MPP1: variants seen among roughly 807,000 people sequenced by gnomAD.
The protein encoded by MPP1 is MAGUK p55 scaffold protein 1, also known as 55 kDa erythrocyte membrane protein.
Under a neutral mutation model 38.2 loss-of-function variants are expected in MPP1, and 6 were observed. The observed-to-expected ratio is 0.16, with a 90% CI of 0.09 to 0.31. The LOEUF (loss-of-function observed/expected upper bound fraction) is 0.31. Ranked by LOEUF, MPP1 falls within the 10% of genes least tolerant of loss-of-function variation. The pLI is 1.00. For missense variants in MPP1, 293 were observed against 368.9 expected, an observed-to-expected ratio of 0.79 and a Z score of 1.69; for synonymous variants, 153 against 146.3, an observed-to-expected ratio of 1.05 and a Z score of -0.33.
intron 1 of MPP1, among the ~76,000 whole-genome samples, chrX:154,799,172 G>A (rs782525703): frequency 8.9e-6 from 1 of 112,344 alleles, no homozygotes; most frequent in African/African-American, 3.2e-5. Context: ...CCCAAAGGTT[G>A]GTCTTTCAGA....
At position 154,790,884 on chromosome X, in the gene MPP1, T is replaced by C. The variant is rs2072134959; in HGVS notation, c.411+99A>G. The C allele has an allele frequency of 4.2e-6, 3 of 718,899 alleles. No individual in the cohort carries two copies. The South Asian group carries it at 8.1e-5, about 20-fold the overall frequency. 59.2% of individuals were successfully genotyped at this position (718,899 alleles called of 1,213,427 possible). A position where few individuals can be genotyped will look rare whatever the true frequency, so the allele number is the denominator to read the frequency against. The stretch of plus-strand genomic sequence containing the variant: ...AGTGAAAAGAGCCCCCTCAAGAAGG[T>C]ACAAATACTTTGACAGAGAGATGAG... On this transcript the variant is annotated intron_variant, in intron 4 of 11. Transcript: ENST00000369534.
Position 154,783,418 on chromosome X carries a change from G to A in MPP1, c.946+9C>T, listed in dbSNP as rs782603105. ...CACCTCCCCTCCAAGGTGCCTAAGA[G>A]CTACTTACATGGGACAGGGTACACA... On this transcript the variant is annotated intron_variant, in intron 9 of 11. Coordinates refer to ENST00000369534, the MANE Select transcript of MPP1 (RefSeq NM_002436.4). 8.3e-7 allele frequency: 1 copy of A among 1,203,261 alleles called. No individual in the cohort carries two copies. Among genetic ancestry groups the A allele is most frequent in the Non-Finnish European group, 1.1e-6 (1 of 889,449 alleles).
At position 154,786,263 on chromosome X, in the gene MPP1, C is replaced by G; in HGVS notation, c.618G>C (p.Arg206=). ...NKDDSNWWQG[R]VEGSSKESAG... ...CTGACTCCTTGGAGGAGCCTTCCAC[C>G]CGTCCCTGCCACCAATTGCTGTCAT... The change falls in exon 6 of 12, where the codon CGG becomes CGC. Residue 206 remains arginine (R), a synonymous_variant. Coordinates refer to ENST00000369534, the MANE Select transcript of MPP1 (RefSeq NM_002436.4). 2 of 1,211,711 alleles carry G rather than the reference C, an allele frequency of 1.7e-6. No homozygotes were observed. Among genetic ancestry groups the G allele is most frequent in the African/African-American group, 3.5e-5 (2 of 57,772 alleles).
intron 1 of MPP1, among the ~76,000 whole-genome samples, chrX:154,794,823 A>G (rs2072177848): frequency 8.9e-6 from 1 of 112,734 alleles, no homozygotes; most frequent in East Asian, 2.8e-4. Flanking sequence ...GGTTTGGGCC[A>G]GGTGCAGTGG....
chrX:154,787,308 G>T (rs1488471301), intron 5 of MPP1, among the ~76,000 whole-genome samples: 1 of 111,746 alleles, frequency 8.9e-6, no homozygotes, highest in Non-Finnish European at 1.9e-5. Flanking sequence ...CTGCAACAGA[G>T]ATGTAAAAAC....
At chrX:154,785,251 T>A in intron 6 of MPP1, 94 bp from the exon 7 acceptor site, 1 of 559,650 alleles carries the variant, frequency 1.8e-6, no homozygotes, top group Non-Finnish European at 2.6e-6. Context: ...CCCTTCACTC[T>A]CTGAGTGTCC....
In MPP1 at chrX:154,781,342, A is replaced by AG. The variant is rs11318110; in HGVS notation, c.1150-30dup. On this transcript the variant is annotated intron_variant, in intron 10 of 11. Transcript: ENST00000369534. ...GAAAAAAAAAAGAAGGGCGGCGGGG[A>AG]GGGGGGGGAAGGAAGAAAAGGAAAG... The AG allele has an allele frequency of 7.2e-5, 64 of 893,434 alleles. No individual in the cohort carries two copies. The African/African-American group carries it at 7.8e-4, about 11-fold the overall frequency. 73.6% of individuals were successfully genotyped at this position (893,434 alleles called of 1,213,427 possible).
At position 154,779,151 on chromosome X, in the gene MPP1, A is replaced by G. The variant is rs1296332661; in HGVS notation, c.*26T>C. ...AATTCCAAATGCTGGAGAGGGGCATACAGTGGGTTCCCCCATTCTACAAGC... is the reference window on the plus strand; with the variant it reads ...AATTCCAAATGCTGGAGAGGGGCATGCAGTGGGTTCCCCCATTCTACAAGC... On this transcript the variant is annotated 3_prime_UTR_variant, in exon 12 of 12. Transcript: ENST00000369534. 1 of 1,193,992 alleles carries G rather than the reference A, an allele frequency of 8.4e-7. No individual in the cohort carries two copies. The highest frequency in any genetic ancestry group is 1.8e-5 in the South Asian group (1 of 54,269).
chrX:154,801,039 T>C (rs1056786401), intron 1 of MPP1, among the ~76,000 whole-genome samples: 1 of 112,500 alleles, frequency 8.9e-6, no homozygotes, highest in Non-Finnish European at 1.9e-5. Context: ...TTTGGAAATA[T>C]GGCTATTTAG....
rs1250941159 is a variant in MPP1, at chrX:154,792,154, T to C, written c.234A>G (p.Thr78=). ...KVRLIQFEKV[T]EEPMGITLKL... Reference sequence around the variant, plus strand: ...GACGGGGGATTACCATGGGCTCTTCTGTGACCTTCTCAAACTGTATGAGTC... The same window carrying C: ...GACGGGGGATTACCATGGGCTCTTCCGTGACCTTCTCAAACTGTATGAGTC... The change falls in exon 2 of 12, where the codon ACA becomes ACG. Residue 78 remains threonine (T), a synonymous_variant. Coordinates refer to ENST00000369534, the MANE Select transcript of MPP1 (RefSeq NM_002436.4). 8.3e-7 allele frequency: 1 copy of C among 1,210,048 alleles called. No individual in the cohort carries two copies. The highest frequency in any genetic ancestry group is 1.1e-6 in the Non-Finnish European group (1 of 895,038).
At chrX:154,787,597 C>T (rs985248918) in intron 5 of MPP1, among the ~76,000 whole-genome samples, 5 of 111,817 alleles carry the variant, frequency 4.5e-5, no homozygotes, top group Non-Finnish European at 7.5e-5. Flanking sequence ...TACAGAAACC[C>T]TACATCCAAC....
intron 1 of MPP1, chrX:154,804,562 C>T: frequency 3.6e-6 from 1 of 280,799 alleles, no homozygotes; most frequent in Non-Finnish European, 7.0e-6. Context: ...AGCCGTGTCC[C>T]CACCTGACAG....
At position 154,804,099 on chromosome X, in the gene MPP1, G is replaced by T. The variant is rs991431647; in HGVS notation, c.102+1173C>A. Among the ~76,000 whole-genome samples, 3 of 112,084 alleles carry T rather than the reference G, an allele frequency of 2.7e-5. No individual in the cohort carries two copies. The South Asian group carries it at 1.1e-3, about 41-fold the overall frequency. On this transcript the variant is annotated intron_variant, in intron 1 of 11. Coordinates refer to ENST00000369534, the MANE Select transcript of MPP1 (RefSeq NM_002436.4). ...ACTCGAGTGGAATATAAAGGGTAAGGCAATGCGGTGCAGCAGACACAAAAT... is the reference window on the plus strand; with the variant it reads ...ACTCGAGTGGAATATAAAGGGTAAGTCAATGCGGTGCAGCAGACACAAAAT...
intron 1 of MPP1, among the ~76,000 whole-genome samples, chrX:154,800,949 A>G (rs1441737488): frequency 1.8e-5 from 2 of 112,586 alleles, no homozygotes; most frequent in Admixed American, 1.9e-4. Flanking sequence ...CTTCATATGA[A>G]AGAAAAAAAG....
intron 1 of MPP1, among the ~76,000 whole-genome samples, chrX:154,794,602 T>C (rs73641113): frequency 0.12 from 13,836 of 110,930 alleles, 772 homozygotes; most frequent in South Asian, 0.39. Flanking sequence ...ATCTTCCCAA[T>C]AGGCAGAACT....
intron 1 of MPP1, among the ~76,000 whole-genome samples, chrX:154,792,872 A>G (rs1557267895): frequency 1.8e-5 from 2 of 111,617 alleles, no homozygotes; most frequent in African/African-American, 6.5e-5. Context: ...CCGCGGTGAT[A>G]ACAATAATAC....
intron 1 of MPP1, among the ~76,000 whole-genome samples, chrX:154,805,017 C>T (rs2072305080): frequency 8.8e-6 from 1 of 113,256 alleles, no homozygotes; most frequent in Admixed American, 9.2e-5. Context: ...AATAAGCGCA[C>T]TGTCCAGGCC....
chrX:154,796,108 TG>T (rs199865624), intron 1 of MPP1, among the ~76,000 whole-genome samples: 172 of 106,032 alleles, frequency 1.6e-3, no homozygotes, highest in Non-Finnish European at 1.9e-3. Flanking sequence ...TCTTTCTCTT[TG>T]TTTTTTTTCC....
intron 1 of MPP1, among the ~76,000 whole-genome samples, chrX:154,802,138 G>C (rs1346411463): frequency 8.9e-6 from 1 of 112,280 alleles, no homozygotes; most frequent in Non-Finnish European, 1.9e-5. Context: ...TGTTCCCTCT[G>C]CCCAGGTACC....
Sources: gnomAD v4.1 joint callset for allele counts (sites outside exome capture counted in the v4.1 genomes callset) on GRCh38, gnomAD v4.1.1 for gene constraint, MANE v1.5 for transcripts, NCBI Gene and HGNC (gene_info 2026-07-23, HGNC 2026-07-21) for gene names.